Variants in LARGE1 observed in about 807,000 individuals in gnomAD.
LARGE1 encodes the protein xylosyl- and glucuronyltransferase LARGE1.
LARGE1 carries 43 observed loss-of-function variants against 87.6 expected under a neutral mutation model. That is an observed-to-expected ratio of 0.49 (90% CI 0.38 to 0.63). The LOEUF is 0.63. Among genes scored for constraint, LARGE1 ranks in the 30% least tolerant of loss-of-function variants. The pLI, the probability that LARGE1 is intolerant of heterozygous loss-of-function variation, is 0.00. For missense variants in LARGE1, 802 were observed against 1,000.2 expected (o/e 0.80, Z 2.67); for synonymous variants, 434 against 394.6 (o/e 1.10, Z -1.18).
intron 11 of LARGE1, among the ~76,000 whole-genome samples, chr22:33,252,677 T>G (rs1354143244): frequency 2.0e-5 from 3 of 152,218 alleles, no homozygotes; most frequent in Non-Finnish European, 4.4e-5. Flanking sequence ...TGCCTTCCTT[T>G]GTTTGTTGGT....
intron 2 of LARGE1, chr22:33,724,087 G>C (rs1450293001): frequency 6.5e-6 from 1 of 153,334 alleles, no homozygotes; most frequent in Non-Finnish European, 1.5e-5. Context: ...TGCAGGGGGT[G>C]GGAAGGCAGG....
chr22:33,269,205 T>C (rs1331910961), downstream of LARGE1, among the ~76,000 whole-genome samples: 5 of 152,204 alleles, frequency 3.3e-5, no homozygotes, highest in Non-Finnish European at 7.3e-5. Flanking sequence ...TAACAAATGG[T>C]TAATCTAAAT....
intron 11 of LARGE1, among the ~76,000 whole-genome samples, chr22:33,209,327 C>T (rs754619882): frequency 1.1e-4 from 17 of 152,166 alleles, no homozygotes; most frequent in Non-Finnish European, 2.4e-4. Context: ...GTAGCAGATG[C>T]GATCTATGGT....
upstream of LARGE1, chr22:33,920,489 C>G (rs1396587322): frequency 6.9e-6 from 1 of 145,270 alleles, no homozygotes; most frequent in South Asian, 2.1e-4. Context: ...CCGGGCCGGG[C>G]GCCGAACGCG....
chr22:33,736,468 A>C (rs2083659398), intron 2 of LARGE1, among the ~76,000 whole-genome samples: 1 of 152,202 alleles, frequency 6.6e-6, no homozygotes, highest in Non-Finnish European at 1.5e-5. Context: ...TCCATCACTC[A>C]ATTTTTTAAT....
At chr22:33,513,806 C>T (rs1205790657) in intron 6 of LARGE1, among the ~76,000 whole-genome samples, 1 of 134,758 alleles carries the variant, frequency 7.4e-6, no homozygotes, top group Non-Finnish European at 1.5e-5. Flanking sequence ...GACTTAAGAG[C>T]TGATGTACAC....
At chr22:33,192,783 G>C (rs1923851605) in intron 11 of LARGE1, among the ~76,000 whole-genome samples, 1 of 152,068 alleles carries the variant, frequency 6.6e-6, no homozygotes, top group Non-Finnish European at 1.5e-5. Flanking sequence ...TTTTCTTCTA[G>C]TGGTTTTACG....
At chr22:33,179,755 T>G (rs1020112153) in intron 11 of LARGE1, among the ~76,000 whole-genome samples, 4 of 152,176 alleles carry the variant, frequency 2.6e-5, no homozygotes, top group Non-Finnish European at 5.9e-5. Flanking sequence ...GACTCCTTAT[T>G]ATGGAAAGGG....
chr22:33,391,687 A>T (rs2065526724), intron 7 of LARGE1, among the ~76,000 whole-genome samples: 2 of 152,092 alleles, frequency 1.3e-5, no homozygotes, highest in African/African-American at 4.8e-5. Context: ...GAAAGGCTGC[A>T]TAAAGTTGTC....
intron 10 of LARGE1, chr22:33,321,018 C>A (rs1936660131): frequency 6.6e-6 from 1 of 152,246 alleles, no homozygotes; most frequent in African/African-American, 2.4e-5. Flanking sequence ...GGTTCTAACC[C>A]ATTCTGCCTG....
At chr22:33,698,408 C>T (rs2082316287) in intron 2 of LARGE1, among the ~76,000 whole-genome samples, 1 of 151,652 alleles carries the variant, frequency 6.6e-6, no homozygotes, top group African/African-American at 2.4e-5. Flanking sequence ...TCAAGCGATT[C>T]TCTTGCCTCA....
At chr22:33,626,372 A>G in intron 3 of LARGE1, 46 bp from the exon 4 acceptor site, 5 of 1,485,862 alleles carry the variant, frequency 3.4e-6, no homozygotes, top group Non-Finnish European at 4.7e-6. Flanking sequence ...AGACGGAAGG[A>G]GGCCTTCCTG....
At chr22:33,816,674 G>A (rs5019941) in intron 1 of LARGE1, among the ~76,000 whole-genome samples, 15 of 141,434 alleles carry the variant, frequency 1.1e-4, no homozygotes, top group Admixed American at 5.7e-4. Context: ...ACGGATGGAT[G>A]GATAGATAGA....
chr22:33,586,121 A>G (rs942532838), intron 5 of LARGE1, among the ~76,000 whole-genome samples: 1 of 152,232 alleles, frequency 6.6e-6, no homozygotes, highest in African/African-American at 2.4e-5. Flanking sequence ...CTTCAGGATT[A>G]AGATGGATGG....
At chr22:33,430,931 A>T (rs200947024) in intron 7 of LARGE1, among the ~76,000 whole-genome samples, 34,159 of 151,876 alleles carry the variant, frequency 0.22, 5,178 homozygotes, top group African/African-American at 0.44. Flanking sequence ...CCTCCAGGGC[A>T]GGCTTCACTT....
intron 6 of LARGE1, among the ~76,000 whole-genome samples, chr22:33,454,151 C>T (rs1036839218): frequency 1.3e-5 from 2 of 152,158 alleles, no homozygotes; most frequent in Admixed American, 1.3e-4. Context: ...TGAAACATCT[C>T]AATTTTATAT....
chr22:33,306,585 C>G (rs1049315303), intron 11 of LARGE1, among the ~76,000 whole-genome samples: 6 of 152,092 alleles, frequency 3.9e-5, no homozygotes, highest in Admixed American at 2.6e-4. Context: ...AGGGTAAGAA[C>G]AGAGAGGCCA....
intron 6 of LARGE1, among the ~76,000 whole-genome samples, chr22:33,470,544 C>T (rs965647366): frequency 1.3e-5 from 2 of 152,194 alleles, no homozygotes; most frequent in Non-Finnish European, 2.9e-5. Context: ...CAAAACACAC[C>T]AGTGCATGCT....
At chr22:33,464,362 G>A (rs998497511) in intron 6 of LARGE1, among the ~76,000 whole-genome samples, 7 of 151,876 alleles carry the variant, frequency 4.6e-5, no homozygotes, top group East Asian at 1.9e-4. Context: ...ATGTAAGACC[G>A]TAAAAAAAAT....
Sources: allele counts gnomAD v4.1 joint callset (sites outside exome capture counted in the v4.1 genomes callset), GRCh38; gene constraint gnomAD v4.1.1; transcripts MANE v1.5; gene names NCBI Gene and HGNC (gene_info 2026-07-23, HGNC 2026-07-21).